The following MYH11 variants were observed in gnomAD, a reference collection of about 807,000 sequenced individuals.
MYH11 encodes the protein myosin-11.
Under a neutral mutation model 246.6 loss-of-function variants are expected in MYH11, and 80 were observed. The ratio of observed to expected loss-of-function variants is 0.32; its 90% CI spans 0.27 to 0.39. The LOEUF (loss-of-function observed/expected upper bound fraction) is 0.39, where lower values mean the gene tolerates loss of function less well. Among genes scored for constraint, MYH11 ranks in the 10% least tolerant of loss-of-function variants. The pLI, the probability that MYH11 is intolerant of heterozygous loss-of-function variation, is 1.00. For synonymous variants in MYH11, 1,071 were observed against 1,015.5 expected, an observed-to-expected ratio of 1.05 and a Z score of -1.04; for missense variants, 2,158 against 2,546.8, an observed-to-expected ratio of 0.85 and a Z score of 3.29.
At position 15,771,614 on chromosome 16, in the gene MYH11, C is replaced by A; in HGVS notation, c.988G>T (p.Val330Leu). The change falls in exon 9 of 41, where the codon GTG becomes TTG. Residue 330 changes from valine to leucine, a missense_variant. By Grantham distance (32) the Val-to-Leu change is conservative. Around this residue, in one of 11 missense-constraint regions of MYH11, gnomAD observed 75 missense variants for 70.0 expected, o/e 1.07. Coordinates refer to ENST00000300036, the MANE Select transcript of MYH11 (RefSeq NM_002474.3). The stretch of plus-strand genomic sequence containing the variant: ...AAACCCATGATTGCCATGGCCTCCA[C>A]GGTTTCCTGGAACATCTCATCATCC... ...AQDDEMFQETVEAMAIMGFSE... is the reference protein window; with the variant it reads ...AQDDEMFQETLEAMAIMGFSE... 1 of 1,613,974 alleles carries A rather than the reference C, an allele frequency of 6.2e-7. No homozygotes were observed. The highest frequency in any genetic ancestry group is 8.5e-7 in the Non-Finnish European group (1 of 1,180,008).
chr16:15,824,551 GA>G (rs1248843003), intron 2 of MYH11, among the ~76,000 whole-genome samples: 1 of 152,186 alleles, frequency 6.6e-6, no homozygotes, highest in Non-Finnish European at 1.5e-5. Flanking sequence ...AAAGTGCTGG[GA>G]TTACAGGTGG....
chr16:15,847,887 C>T (rs1010331986), intron 1 of MYH11, among the ~76,000 whole-genome samples: 1 of 152,140 alleles, frequency 6.6e-6, no homozygotes, highest in Admixed American at 6.6e-5. Context: ...CCCCTTGGAA[C>T]CCTAATTCCC....
Position 15,740,289 on chromosome 16 carries a change from C to G in MYH11, c.2860-101G>C. 1.9e-6 allele frequency: 3 copies of G among 1,562,744 alleles called. No individual in the cohort carries two copies. In the Admixed American group the frequency reaches 5.0e-5, roughly 26 times the overall value. On this transcript the variant is annotated intron_variant, in intron 22 of 40. Coordinates refer to ENST00000300036, the MANE Select transcript of MYH11 (RefSeq NM_002474.3). ...ATACAGGGGCTAGGCCTGAAGATGC[C>G]CAGAACTCTGTAGCCTCCTAAAAGG...
At chr16:15,759,124 A>G (rs1466251878) in intron 12 of MYH11, among the ~76,000 whole-genome samples, 2 of 151,794 alleles carry the variant, frequency 1.3e-5, no homozygotes, top group Non-Finnish European at 2.9e-5. Flanking sequence ...ATGTAGCCCA[A>G]TTCAGGTGAG....
In MYH11 at chr16:15,737,483, T is replaced by C; in HGVS notation, c.3259A>G (p.Lys1087Glu). 6 of 1,613,748 alleles carry C rather than the reference T, an allele frequency of 3.7e-6. No individual in the cohort carries two copies. Among genetic ancestry groups the C allele is most frequent in the Non-Finnish European group, 5.1e-6 (6 of 1,180,022 alleles). ...QIAELKMQLA[K>E]KEEELQAALA... The stretch of plus-strand genomic sequence containing the variant: ...GCCGCCTGCAGCTCCTCCTCCTTCT[T>C]GGCCAGCTGCATCTTGAGCTCTGCG... The change falls in exon 25 of 41, where the codon AAG (lysine) becomes GAG (glutamate). Residue 1087 changes from lysine (K) to glutamate (E), a missense_variant. Coordinates refer to ENST00000300036, the MANE Select transcript of MYH11 (RefSeq NM_002474.3).
chr16:15,717,645 A>C, intron 37 of MYH11: 25 of 477,392 alleles, frequency 5.2e-5, no homozygotes, highest in East Asian at 1.6e-4. Context: ...AAATACAAAA[A>C]TTAGCCGGGC....
At chr16:15,815,235 G>T (rs1488329642) in intron 3 of MYH11, among the ~76,000 whole-genome samples, 1 of 152,100 alleles carries the variant, frequency 6.6e-6, no homozygotes, top group Non-Finnish European at 1.5e-5. Flanking sequence ...GACATCTGAA[G>T]AAATCCACTA....
chr16:15,853,817 G>T (rs1030115922), intron 1 of MYH11, among the ~76,000 whole-genome samples: 1 of 152,144 alleles, frequency 6.6e-6, no homozygotes, highest in Non-Finnish European at 1.5e-5. Flanking sequence ...GAGGTCAGCG[G>T]TTCGAGACCA....
At chr16:15,784,974 C>A in intron 5 of MYH11, 3 of 393,838 alleles carry the variant, frequency 7.6e-6, no homozygotes, top group East Asian at 4.4e-5. Context: ...GCTAAGACTA[C>A]AGGCATGCAC....
rs767128780 is a variant in MYH11 at position 15,719,713 on chromosome 16, C to A, written c.4954G>T (p.Ala1652Ser). ...TCTCTTTGAAAGTCCTTCATCTGAG[C>A]CTGCATGAGTCAACAGGGAGGACAA... ...EAIKQLRKLQAQMKDFQRELE... is the reference protein window; with the variant it reads ...EAIKQLRKLQSQMKDFQRELE... The change falls in exon 35 of 41, where the codon GCT (alanine) becomes TCT (serine). Residue 1652 changes from alanine to serine, a missense_variant and splice_region_variant. By Grantham distance (99) the Ala-to-Ser change is moderately conservative (BLOSUM62 1). Transcript: ENST00000300036. 1 of 1,614,134 alleles carries A rather than the reference C, an allele frequency of 6.2e-7. No individual in the cohort carries two copies. The highest frequency in any genetic ancestry group is 8.5e-7 in the Non-Finnish European group (1 of 1,180,034).
Position 15,724,791 on chromosome 16 carries a change from A to C in MYH11, c.3972T>G (p.Leu1324=), listed in dbSNP as rs762569313. 6.2e-7 allele frequency: 1 copy of C among 1,613,794 alleles called. No individual in the cohort carries two copies. The highest frequency in any genetic ancestry group is 1.3e-5 in the African/African-American group (1 of 74,882). ...TGAGCTTCTGCCGGGTTTCTTCTTG[A>C]AGCAGCTCCTGCAAAAGGGATGCAA... The part of the protein sequence containing the change: ...SSQLQDTQEL[L]QEETRQKLNV... The change falls in exon 30 of 41, where the codon CTT becomes CTG. Residue 1324 remains leucine (L), a synonymous_variant. Transcript: ENST00000300036.
At chr16:15,778,896 C>A (rs1321974848) in intron 6 of MYH11, 53 bp from the exon 7 acceptor site, 5 of 1,568,806 alleles carry the variant, frequency 3.2e-6, no homozygotes, top group Non-Finnish European at 3.5e-6. Context: ...CAGCCGTTAA[C>A]CCCATGCTGT....
chr16:15,839,377 C>A (rs1041541781), intron 1 of MYH11, among the ~76,000 whole-genome samples: 1 of 152,054 alleles, frequency 6.6e-6, no homozygotes, highest in African/African-American at 2.4e-5. Flanking sequence ...CTGGTGCAAA[C>A]GTAAGTGTGG....
chr16:15,761,171 C>T (rs1011103975), intron 10 of MYH11, among the ~76,000 whole-genome samples: 2 of 151,272 alleles, frequency 1.3e-5, no homozygotes, highest in Non-Finnish European at 3.0e-5. Context: ...AGTGCAGTGG[C>T]GCGATCTCAG....
intron 8 of MYH11, among the ~76,000 whole-genome samples, chr16:15,772,853 C>T (rs2042136125): frequency 6.6e-6 from 1 of 152,164 alleles, no homozygotes; most frequent in African/African-American, 2.4e-5. Flanking sequence ...GGAGCGCAAA[C>T]CCTATCGTGA....
In MYH11 at chr16:15,759,743, C is replaced by A. The variant is rs886051765; in HGVS notation, c.1249-15G>T. 2 of 1,613,608 alleles carry A rather than the reference C, an allele frequency of 1.2e-6. No homozygotes were observed. The highest frequency in any genetic ancestry group is 2.2e-5 in the South Asian group (2 of 91,070). Reference sequence around the variant, plus strand: ...GCAAAGTCAGCCTGCAGAGGGCAACCAGGGGAACCCGGTTATTCTCAATGG... The same window carrying A: ...GCAAAGTCAGCCTGCAGAGGGCAACAAGGGGAACCCGGTTATTCTCAATGG... On this transcript the variant is annotated splice_polypyrimidine_tract_variant and intron_variant, in intron 11 of 40. Coordinates refer to ENST00000300036, the MANE Select transcript of MYH11 (RefSeq NM_002474.3).
chr16:15,820,388 C>T (rs9630621), intron 3 of MYH11, among the ~76,000 whole-genome samples: 20,649 of 150,836 alleles, frequency 0.14, 1,441 homozygotes, highest in East Asian at 0.15. Flanking sequence ...GCAGTAGAAT[C>T]GCTTGAACCC....
At chr16:15,761,204 G>A (rs922683294) in intron 10 of MYH11, among the ~76,000 whole-genome samples, 2 of 151,774 alleles carry the variant, frequency 1.3e-5, no homozygotes, top group Admixed American at 6.6e-5. Context: ...TCCGCCTTCC[G>A]GGTTCAAGCA....
chr16:15,852,518 A>C (rs1385182032), intron 1 of MYH11, among the ~76,000 whole-genome samples: 1 of 151,664 alleles, frequency 6.6e-6, no homozygotes, highest in Non-Finnish European at 1.5e-5. Context: ...TTTTTAGTAG[A>C]GATAGGGTTT....
Sources: gnomAD v4.1 joint callset for allele counts (sites outside exome capture counted in the v4.1 genomes callset) on GRCh38, gnomAD v4.1.1 for gene constraint, gnomAD v4.1.1 regional missense constraint, MANE v1.5 for transcripts, NCBI Gene and HGNC (gene_info 2026-07-23, HGNC 2026-07-21) for gene names.